The following DMKN variants were observed in gnomAD, a reference collection of about 807,000 sequenced individuals.
The protein encoded by DMKN is dermokine, also known as epidermis-specific secreted protein SK30/SK89.
Under a neutral mutation model 67.6 loss-of-function variants are expected in DMKN, and 58 were observed. The observed-to-expected ratio is 0.86, with a 90% CI of 0.69 to 1.07. The LOEUF (loss-of-function observed/expected upper bound fraction) is 1.07. Among genes scored for constraint, DMKN ranks in the 50% least tolerant of loss-of-function variants. The pLI, the probability that DMKN is intolerant of heterozygous loss-of-function variation, is 0.00. For missense variants in DMKN, 596 were observed against 601.5 expected (o/e 0.99, Z 0.10); for synonymous variants, 240 against 232.3 (o/e 1.03, Z -0.30).
chr19:35,503,633 G>T, intron 9 of DMKN, among the ~76,000 whole-genome samples: 1 of 152,134 alleles, frequency 6.6e-6, no homozygotes, highest in East Asian at 1.9e-4. Flanking sequence ...ACACCACCAC[G>T]CCTGGCTAAT....
chr19:35,510,227 C>T lies in DMKN; in HGVS notation c.944G>A (p.Gly315Asp). 1 of 1,608,084 alleles carries T rather than the reference C, an allele frequency of 6.2e-7. No individual in the cohort carries two copies. The highest frequency in any genetic ancestry group is 8.5e-7 in the Non-Finnish European group (1 of 1,177,408). ...TCCTCCGCCGCTCCCACCGTGGTTG[C>T]CGGAGGAGGAGCCGGTGCTGGATCC... Reference protein sequence around the residue: ...SWGSSTGSSSGNHGGSGGGNG... With the variant: ...SWGSSTGSSSDNHGGSGGGNG... The change falls in exon 6 of 16, where the codon GGC (glycine) becomes GAC (aspartate). Residue 315 changes from glycine to aspartate, a missense_variant. Transcript: ENST00000339686.
At chr19:35,500,173 T>C in intron 12 of DMKN, 144 bp from the exon 13 acceptor site, 1 of 1,200,416 alleles carries the variant, frequency 8.3e-7, no homozygotes, top group South Asian at 1.4e-5. Flanking sequence ...TTTTCTTTTA[T>C]ACAATCTCCT....
chr19:35,502,253 G>C (rs2068532852), intron 10 of DMKN, 70 bp from the exon 11 acceptor site: 2 of 1,504,736 alleles, frequency 1.3e-6, no homozygotes, highest in South Asian at 1.1e-5. Flanking sequence ...CAGCAAATTG[G>C]GGGGATTCCA....
chr19:35,511,550 T>C lies in DMKN; in HGVS notation c.779A>G (p.Asn260Ser). 1 of 1,584,908 alleles carries C rather than the reference T, an allele frequency of 6.3e-7. No individual in the cohort carries two copies. Among genetic ancestry groups the C allele is most frequent in the Non-Finnish European group, 8.6e-7 (1 of 1,168,732 alleles). ...GCTGCTGCCATTGTTGTTGTCACCA[T>C]TGCTGCCACTGCCACTGCTGCCCGA... The part of the protein sequence containing the change: ...SQSGSSGSGS[N>S]GDNNNGSSSG... Residue 260 changes from asparagine (N) to serine (S), a missense_variant, in exon 5 of 16, where the codon AAT (asparagine) becomes AGT (serine). Transcript: ENST00000339686.
intron 7 of DMKN, 132 bp downstream of exon 7, chr19:35,509,779 T>G: frequency 9.3e-7 from 1 of 1,071,628 alleles, no homozygotes; most frequent in Non-Finnish European, 1.4e-6. Flanking sequence ...GCATTTGGTT[T>G]CTTCTGCCGA....
intron 7 of DMKN, chr19:35,507,247 C>A: frequency 2.0e-6 from 1 of 498,610 alleles, no homozygotes; most frequent in South Asian, 3.3e-5. Context: ...AGTAACATGG[C>A]TCCGATCCAA....
At chr19:35,505,569 C>T in intron 9 of DMKN, 149 bp downstream of exon 9, 2 of 991,200 alleles carry the variant, frequency 2.0e-6, no homozygotes, top group South Asian at 1.6e-5. Flanking sequence ...TCTGTCCTCC[C>T]TCCTCCACCC....
intron 5 of DMKN, among the ~76,000 whole-genome samples, chr19:35,511,058 A>G (rs1206177069): frequency 6.6e-6 from 1 of 152,122 alleles, no homozygotes; most frequent in Non-Finnish European, 1.5e-5. Context: ...CAAGTGTCAT[A>G]TTCTCCCATG....
At chr19:35,508,861 A>C (rs2070132866) in intron 7 of DMKN, among the ~76,000 whole-genome samples, 1 of 152,112 alleles carries the variant, frequency 6.6e-6, no homozygotes, top group Non-Finnish European at 1.5e-5. Context: ...AAGAGCAAAA[A>C]CCATAGAGGA....
At chr19:35,509,809 A>T (rs2070369224) in intron 7 of DMKN, 102 bp downstream of exon 7, 1 of 1,367,956 alleles carries the variant, frequency 7.3e-7, no homozygotes, top group Non-Finnish European at 1.0e-6. Flanking sequence ...TTCCCTGCAG[A>T]CAAGGCAGGA....
At chr19:35,507,829 T>C (rs949655508) in intron 7 of DMKN, 24 of 438,194 alleles carry the variant, frequency 5.5e-5, no homozygotes, top group African/African-American at 3.0e-4. Flanking sequence ...CAGCAAAGCA[T>C]CCGAATTCTC....
chr19:35,501,325 A>G (rs2068325260), intron 11 of DMKN, among the ~76,000 whole-genome samples: 1 of 152,148 alleles, frequency 6.6e-6, no homozygotes, highest in Admixed American at 6.5e-5. Context: ...GAGGTCACAA[A>G]CTGGTTGACC....
chr19:35,500,206 C>T, intron 12 of DMKN, 177 bp from the exon 13 acceptor site: 1 of 1,181,728 alleles, frequency 8.5e-7, no homozygotes, highest in Non-Finnish European at 1.2e-6. Flanking sequence ...GGCCCCCACC[C>T]TCACCTGCCT....
chr19:35,507,764 C>T (rs1467670927), intron 7 of DMKN: 1 of 507,652 alleles, frequency 2.0e-6, no homozygotes, highest in Non-Finnish European at 3.5e-6. Context: ...ACATCGCCAT[C>T]TCTGTTTATG....
At position 35,499,961 on chromosome 19, in the gene DMKN, T is replaced by C. The variant is rs1215171166; in HGVS notation, c.1356A>G (p.Ala452=). 6 of 1,614,138 alleles carry C rather than the reference T, an allele frequency of 3.7e-6. No individual in the cohort carries two copies. The South Asian group carries it at 6.6e-5, about 18-fold the overall frequency. ...ACAGGGTGGTTGCCGGTCTCACCTT[T>C]GCAGGGGTCTTGACTGAGTACTTCC... ...YGGKYSVKTP[A]KGGVSPSSSA... Residue 452 remains alanine (A), a synonymous_variant, in exon 13 of 16, where the codon GCA becomes GCG. Transcript: ENST00000339686.
At chr19:35,512,989 A>G in intron 1 of DMKN, 61 bp downstream of exon 1, 1 of 1,595,578 alleles carries the variant, frequency 6.3e-7, no homozygotes, top group Non-Finnish European at 8.5e-7. Flanking sequence ...CCGTTTCCCA[A>G]GAATCTCAGC....
chr19:35,502,922 G>A lies in DMKN; in HGVS notation c.1135-36C>T, dbSNP rs374003971. The A allele has an allele frequency of 8.1e-6, 13 of 1,598,224 alleles. No homozygotes were observed. The African/African-American group carries it at 1.6e-4, about 20-fold the overall frequency. On this transcript the variant is annotated intron_variant, in intron 9 of 15. Transcript: ENST00000339686. ...AAGGCGGGGAGCAGGTTAGCAGAGA[G>A]CCTGGGCCCACTCACCCACCCCTCC... is the stretch of plus-strand genomic sequence containing the variant.
chr19:35,503,464 G>GTTTTTT, intron 9 of DMKN: 1 of 1,458,512 alleles, frequency 6.9e-7, no homozygotes, highest in Non-Finnish European at 9.1e-7. Context: ...AAAGAAACAG[G>GTTTTTT]TTTTTTTTTG....
At position 35,511,501 on chromosome 19, in the gene DMKN, G is replaced by GCCGCCA. The variant is rs1568637988; in HGVS notation, c.827_828insTGGCGG (p.Ser276_Ser277insGlyGly). ...TGCCGCCACTGCTGCCGCCACTGCTGCTGCCACTGCTGCTGCCACCACTGC... is the reference window on the plus strand; with the variant it reads ...TGCCGCCACTGCTGCCGCCACTGCTGCCGCCACTGCCACTGCTGCTGCCACCACTGC... On this transcript the variant is annotated inframe_insertion, in exon 5 of 16. Transcript: ENST00000339686. The GCCGCCA allele has an allele frequency of 3.1e-5, 33 of 1,079,560 alleles. No homozygotes were observed. The South Asian group carries it at 3.9e-4, about 13-fold the overall frequency. The allele number at this position is 1,079,560 out of a possible 1,614,324, so 66.9% of individuals were successfully genotyped here.
Sources: gnomAD v4.1 joint callset for allele counts (sites outside exome capture counted in the v4.1 genomes callset) on GRCh38, gnomAD v4.1.1 for gene constraint, MANE v1.5 for transcripts, NCBI Gene and HGNC (gene_info 2026-07-23, HGNC 2026-07-21) for gene names.